Variants in CBR4 observed in about 807,000 individuals in gnomAD.
CBR4 encodes the protein carbonyl reductase 4.
A neutral mutation model predicts 21.0 loss-of-function variants in CBR4; 22 were observed. The ratio of observed to expected loss-of-function variants is 1.05; its 90% CI spans 0.75 to 1.50. The LOEUF is 1.50. Among genes scored for constraint, CBR4 ranks in the 40% most tolerant of loss-of-function variants. CBR4 has a pLI of 0.00. For synonymous variants in CBR4, 100 were observed against 104.4 expected, an observed-to-expected ratio of 0.96 and a Z score of 0.26; for missense variants, 302 against 286.3, an observed-to-expected ratio of 1.05 and a Z score of -0.40.
intron 2 of CBR4, among the ~76,000 whole-genome samples, chr4:168,907,897 A>T (rs1311321276): frequency 6.6e-6 from 1 of 152,176 alleles, no homozygotes; most frequent in East Asian, 1.9e-4. Context: ...AGTTTCTAAC[A>T]CTACCTATTA....
chr4:168,975,804 T>C (rs1309708121), intron 2 of CBR4, among the ~76,000 whole-genome samples: 4 of 151,944 alleles, frequency 2.6e-5, no homozygotes, highest in South Asian at 4.1e-4. Flanking sequence ...CCAGGCCAAT[T>C]AAGTTATGTT....
Position 168,921,588 on chromosome 4 carries a change from C to T in CBR4, n.170-26823G>A, listed in dbSNP as rs374741161. ...CTGGCAACTAGATGGAAAGCCCGTACGCCCTGACAGTGCTCACAAGATGCT... is the reference window on the plus strand; with the variant it reads ...CTGGCAACTAGATGGAAAGCCCGTATGCCCTGACAGTGCTCACAAGATGCT... On this transcript the variant is annotated intron_variant and non_coding_transcript_variant, in intron 2 of 3. Transcript: ENST00000509108. 4.0e-5 allele frequency: 65 copies of T among 1,609,684 alleles called. No individual in the cohort carries two copies. Among genetic ancestry groups the T allele is most frequent in the South Asian group, 8.8e-5 (8 of 90,624 alleles).
At chr4:168,930,511 G>A (rs1762945222) in intron 2 of CBR4, among the ~76,000 whole-genome samples, 1 of 152,196 alleles carries the variant, frequency 6.6e-6, no homozygotes, top group Admixed American at 6.5e-5. Context: ...GACGAGGAAG[G>A]GAAGTTACAT....
intron 2 of CBR4, among the ~76,000 whole-genome samples, chr4:168,977,994 T>C (rs1471505175): frequency 6.6e-6 from 1 of 152,188 alleles, no homozygotes; most frequent in Non-Finnish European, 1.5e-5. Flanking sequence ...CTTTTCTCCA[T>C]ACTATAGCCA....
chr4:168,931,453 G>A (rs1420405540), intron 2 of CBR4, among the ~76,000 whole-genome samples: 3 of 151,984 alleles, frequency 2.0e-5, no homozygotes, highest in East Asian at 3.9e-4. Context: ...TTAACTTCCA[G>A]TAGACACACC....
At chr4:168,964,486 C>G (rs1763959367) in intron 2 of CBR4, among the ~76,000 whole-genome samples, 2 of 152,208 alleles carry the variant, frequency 1.3e-5, no homozygotes, top group Non-Finnish European at 2.9e-5. Flanking sequence ...TGCACCTTCT[C>G]TCTTTGGTAA....
chr4:168,957,974 T>A (rs1331309398), intron 2 of CBR4, among the ~76,000 whole-genome samples: 1 of 152,174 alleles, frequency 6.6e-6, no homozygotes, highest in East Asian at 1.9e-4. Flanking sequence ...GCTTCCCCTC[T>A]GTAAGTTTCC....
At chr4:168,961,502 T>C (rs1763852708) in intron 2 of CBR4, among the ~76,000 whole-genome samples, 1 of 152,206 alleles carries the variant, frequency 6.6e-6, no homozygotes, top group African/African-American at 2.4e-5. Flanking sequence ...ATTCAATATG[T>C]GTACTTTTCT....
intron 2 of CBR4, chr4:168,924,873 A>T (rs2126585940): frequency 1.4e-6 from 2 of 1,471,842 alleles, no homozygotes; most frequent in Non-Finnish European, 1.9e-6. Context: ...TGATCTAATT[A>T]AAAATGATGC....
At chr4:168,914,982 C>G (rs1332761791) in intron 2 of CBR4, among the ~76,000 whole-genome samples, 1 of 152,196 alleles carries the variant, frequency 6.6e-6, no homozygotes, top group Admixed American at 6.5e-5. Flanking sequence ...ATAAACATAG[C>G]ATATACAGGA....
intron 2 of CBR4, chr4:168,926,940 C>G (rs1762647769): frequency 4.6e-6 from 1 of 219,682 alleles, no homozygotes; most frequent in African/African-American, 2.3e-5. Context: ...GAAGGAACTA[C>G]TTGCCTTAAA....
At chr4:168,918,151 C>T (rs1304613771) in intron 2 of CBR4, among the ~76,000 whole-genome samples, 1 of 151,164 alleles carries the variant, frequency 6.6e-6, no homozygotes. Flanking sequence ...TCACTGCATT[C>T]CAACCTGGGC....
At chr4:168,907,866 G>A (rs1030130258) in intron 2 of CBR4, among the ~76,000 whole-genome samples, 1 of 152,006 alleles carries the variant, frequency 6.6e-6, no homozygotes, top group Non-Finnish European at 1.5e-5. Context: ...AAAGAACCCA[G>A]AGCATCACAG....
intron 2 of CBR4, among the ~76,000 whole-genome samples, chr4:168,921,329 C>T (rs1761446149): frequency 6.7e-6 from 1 of 148,858 alleles, no homozygotes; most frequent in South Asian, 2.2e-4. Context: ...ATCGCTTGAA[C>T]CCGGGAGGCA....
intron 4 of CBR4, among the ~76,000 whole-genome samples, chr4:168,998,274 C>T (rs1765300531): frequency 1.3e-5 from 2 of 152,176 alleles, no homozygotes; most frequent in African/African-American, 2.4e-5. Context: ...AAACTCCATA[C>T]AAGTATTGTC....
Position 168,903,393 on chromosome 4 carries a change from G to A in CBR4, n.170-8628C>T, listed in dbSNP as rs113718271. 2.7e-3 allele frequency among the ~76,000 whole-genome samples: 414 copies of A among 151,980 alleles called. 1 individual carries two copies. Among genetic ancestry groups the A allele is most frequent in the African/African-American group, 9.2e-3 (380 of 41,428 alleles). On this transcript the variant is annotated intron_variant and non_coding_transcript_variant, in intron 2 of 3. Transcript: ENST00000509108. ...CTGGTACATTTGAAAAAAGAAAAAT[G>A]GCCTTCATAGAAGGCCACTTCATAG...
intron 2 of CBR4, chr4:168,927,204 AAGGAGTAGGG>A (rs1387241472): frequency 8.7e-6 from 2 of 230,862 alleles, no homozygotes; most frequent in African/African-American, 4.4e-5. Flanking sequence ...AGGGGTTTGG[AAGGAGTAGGG>A]AGGAGAATGA....
chr4:169,007,612 A>G lies in CBR4; in HGVS notation c.263+24T>C, dbSNP rs1168494688. On this transcript the variant is annotated intron_variant, in intron 2 of 4. Transcript: ENST00000306193. ...AAAAGTTTTAAATATATATATAAGAAACTTATTTAAATCTGTGACCAACCT... is the reference window on the plus strand; with the variant it reads ...AAAAGTTTTAAATATATATATAAGAGACTTATTTAAATCTGTGACCAACCT... 2.8e-6 allele frequency: 4 copies of G among 1,442,430 alleles called. No homozygotes were observed. In the South Asian group the frequency reaches 5.8e-5, roughly 21 times the overall value. 89.4% of individuals were successfully genotyped at this position (1,442,430 alleles called of 1,614,324 possible).
At chr4:169,009,661 G>A (rs1305882808) in intron 1 of CBR4, among the ~76,000 whole-genome samples, 1 of 152,248 alleles carries the variant, frequency 6.6e-6, no homozygotes, top group African/African-American at 2.4e-5. Context: ...GCCGCAGGGC[G>A]GAGGGTGCGT....
Sources: gnomAD v4.1 joint callset for allele counts (sites outside exome capture counted in the v4.1 genomes callset) on GRCh38, gnomAD v4.1.1 for gene constraint, MANE v1.5 for transcripts, NCBI Gene and HGNC (gene_info 2026-07-23, HGNC 2026-07-21) for gene names.